Variants in MED7 observed in about 807,000 individuals in gnomAD.
MED7 encodes the protein mediator complex subunit 7.
In MED7, 7 loss-of-function variants were observed where a neutral mutation model predicts 16.6. The observed-to-expected ratio is 0.42, with a 90% CI of 0.24 to 0.79. The LOEUF is 0.79. Ranked by LOEUF, MED7 falls within the 30% of genes least tolerant of loss-of-function variation. MED7 has a pLI of 0.27. For missense variants in MED7, 240 were observed against 286.3 expected (o/e 0.84, Z 1.17); for synonymous variants, 88 against 90.5 (o/e 0.97, Z 0.16).
At position 157,139,236 on chromosome 5, in the gene MED7, G is replaced by A. The variant is rs1211935997; in HGVS notation, c.196C>T (p.Arg66Trp). ...TGATCAAACTGCATAGGATGAAGCC[G>A]TTCGATGCCCTGACTTTCCAAAGGG... is the stretch of plus-strand genomic sequence containing the variant. ...IRPLESQGIE[R>W]LHPMQFDHKK... The change falls in exon 2 of 2, where the codon CGG (arginine) becomes TGG (tryptophan). Residue 66 changes from arginine to tryptophan, a missense_variant. By Grantham distance (101) the Arg-to-Trp change is moderately radical. Coordinates refer to ENST00000286317, the MANE Select transcript of MED7 (RefSeq NM_004270.5). 7 of 1,613,796 alleles carry A rather than the reference G, an allele frequency of 4.3e-6. No individual in the cohort carries two copies. The highest frequency in any genetic ancestry group is 5.1e-6 in the Non-Finnish European group (6 of 1,179,972).
chr5:157,138,092 AT>A lies in MED7; in HGVS notation c.*637del, dbSNP rs36073352. The A allele has an allele frequency of 0.17, 25,757 of 152,146 alleles. 2,253 individuals carry two copies. The highest frequency in any genetic ancestry group is 0.22 in the South Asian group (1,058 of 4,818). 9.4% of individuals were successfully genotyped at this position (152,146 alleles called of 1,614,324 possible). The stretch of plus-strand genomic sequence containing the variant: ...ACAGACATCTTAATTACTAAAATTA[AT>A]GTCTGTAACTTAAAGTGACCAAAGG... On this transcript the variant is annotated 3_prime_UTR_variant, in exon 2 of 2. Coordinates refer to ENST00000286317, the MANE Select transcript of MED7 (RefSeq NM_004270.5).
intron 1 of MED7, among the ~76,000 whole-genome samples, chr5:157,140,493 A>G (rs192264957): frequency 6.6e-6 from 1 of 151,352 alleles, no homozygotes; most frequent in Admixed American, 6.5e-5. Context: ...AAGATATAAC[A>G]CACTCTAACA....
rs1235150813 is a variant in MED7, at chr5:157,138,548, T to G, written c.*182A>C. ...GTGATTCTTCTTAGTGCAGGGACAC[T>G]CATTTGTCTATGCTTGTTATACAGC... is the stretch of plus-strand genomic sequence containing the variant. On this transcript the variant is annotated 3_prime_UTR_variant, in exon 2 of 2. Transcript: ENST00000286317. 1 of 549,420 alleles carries G rather than the reference T, an allele frequency of 1.8e-6. No individual in the cohort carries two copies. The highest frequency in any genetic ancestry group is 3.2e-6 in the Non-Finnish European group (1 of 316,306). The allele number at this position is 549,420 out of a possible 1,614,324, so 34.0% of individuals were successfully genotyped here. A position where few individuals can be genotyped will look rare whatever the true frequency, so the allele number is the denominator to read the frequency against.
At chr5:157,141,846 C>A (rs1223889727) in intron 1 of MED7, among the ~76,000 whole-genome samples, 3 of 152,194 alleles carry the variant, frequency 2.0e-5, no homozygotes, top group Non-Finnish European at 2.9e-5. Flanking sequence ...CCACCTCGGC[C>A]TCCCAAAGTG....
At position 157,138,736 on chromosome 5, in the gene MED7, T is replaced by C; in HGVS notation, c.696A>G (p.Arg232=). The C allele has an allele frequency of 6.3e-7, 1 of 1,582,066 alleles. No homozygotes were observed. The highest frequency in any genetic ancestry group is 8.6e-7 in the Non-Finnish European group (1 of 1,166,800). Reference sequence around the variant, plus strand: ...AAAGAAAAAGAAACATCTTTCATGGTCTTTCATTCATCTCATCAATTAGGA... The same window carrying C: ...AAAGAAAAAGAAACATCTTTCATGGCCTTTCATTCATCTCATCAATTAGGA... ...LCVLIDEMNE[R]P The change falls in exon 2 of 2, where the codon AGA becomes AGG. Residue 232 remains arginine, a synonymous_variant. Coordinates refer to ENST00000286317, the MANE Select transcript of MED7 (RefSeq NM_004270.5).
chr5:157,139,505 T>C (rs1229973601), intron 1 of MED7, 57 bp from the exon 2 acceptor site: 1 of 1,016,134 alleles, frequency 9.8e-7, no homozygotes, highest in Non-Finnish European at 1.4e-6. Context: ...TTACATTTCA[T>C]AACTACAGAT....
At chr5:157,141,714 G>A (rs1043842294) in intron 1 of MED7, among the ~76,000 whole-genome samples, 4 of 151,906 alleles carry the variant, frequency 2.6e-5, no homozygotes, top group Non-Finnish European at 1.5e-5. Context: ...TGAGCCTCCT[G>A]AGTAGCTGGG....
In MED7 at chr5:157,138,378, TTATC is replaced by T. The variant is rs1397333653; in HGVS notation, c.*348_*351del. ...TACATGTAGAGAGCTTAATATCCAT[TTATC>T]TATCATTCTTAAAGCAAATGCTAAA... On this transcript the variant is annotated 3_prime_UTR_variant, in exon 2 of 2. Transcript: ENST00000286317. The T allele has an allele frequency of 5.4e-6, 1 of 186,150 alleles. No individual in the cohort carries two copies. The highest frequency in any genetic ancestry group is 1.4e-4 in the East Asian group (1 of 6,916). 11.5% of individuals were successfully genotyped at this position (186,150 alleles called of 1,614,324 possible).
rs1306895695 is a variant in MED7 at position 157,138,820 on chromosome 5, T to G, written c.612A>C (p.Gln204His). ...CTCTCCTATGACCTGAATTTTCTCT[T>G]TGATGTTCATTCTGTCCAGTACAAT... ...SNNCTGQNEH[Q>H]RENSGHRRDQ... Residue 204 changes from glutamine to histidine, a missense_variant, in exon 2 of 2, where the codon CAA becomes CAC. Physicochemically the swap from Gln to His is conservative, Grantham distance 24. Transcript: ENST00000286317. The G allele has an allele frequency of 1.2e-6, 2 of 1,614,068 alleles. 1 individual carries two copies. The highest frequency in any genetic ancestry group is 3.3e-5 in the Admixed American group (2 of 60,006).
chr5:157,139,365 C>A lies in MED7; in HGVS notation c.67G>T (p.Asp23Tyr). ...PPMQYIKEYTDENIQEGLAPK... is the reference protein window; with the variant it reads ...PPMQYIKEYTYENIQEGLAPK... The stretch of plus-strand genomic sequence containing the variant: ...GCTAAGCCTTCTTGAATATTTTCAT[C>A]CGTATATTCCTTGATATATTGCATT... The change falls in exon 2 of 2, where the codon GAT becomes TAT. Residue 23 changes from aspartate to tyrosine, a missense_variant. Physicochemically the swap from Asp to Tyr is radical, Grantham distance 160. Transcript: ENST00000286317. 6.2e-7 allele frequency: 1 copy of A among 1,610,960 alleles called. No individual in the cohort carries two copies. The highest frequency in any genetic ancestry group is 8.5e-7 in the Non-Finnish European group (1 of 1,178,794).
At chr5:157,141,265 A>G (rs1757719785) in intron 1 of MED7, among the ~76,000 whole-genome samples, 1 of 152,092 alleles carries the variant, frequency 6.6e-6, no homozygotes, top group Admixed American at 6.5e-5. Flanking sequence ...TATTTTCAGT[A>G]GAGACGAGAT....
rs1269598635 is a variant in MED7, at chr5:157,138,533, T to C, written c.*197A>G. On this transcript the variant is annotated 3_prime_UTR_variant, in exon 2 of 2. Coordinates refer to ENST00000286317, the MANE Select transcript of MED7 (RefSeq NM_004270.5). Reference sequence around the variant, plus strand: ...ACTTTGCTTTTTAAAGTGATTCTTCTTAGTGCAGGGACACTCATTTGTCTA... The same window carrying C: ...ACTTTGCTTTTTAAAGTGATTCTTCCTAGTGCAGGGACACTCATTTGTCTA... The C allele has an allele frequency of 2.0e-6, 1 of 489,470 alleles. No individual in the cohort carries two copies. Among genetic ancestry groups the C allele is most frequent in the African/African-American group, 2.0e-5 (1 of 50,360 alleles). The allele number at this position is 489,470 out of a possible 1,614,324, so 30.3% of individuals were successfully genotyped here. A position where few individuals can be genotyped will look rare whatever the true frequency, so the allele number is the denominator to read the frequency against.
intron 1 of MED7, among the ~76,000 whole-genome samples, chr5:157,142,115 C>T (rs1397804837): frequency 6.6e-6 from 1 of 152,182 alleles, no homozygotes; most frequent in Non-Finnish European, 1.5e-5. Context: ...TCTTTCTCTA[C>T]TGTCTCTCTA....
chr5:157,139,643 C>T (rs1024970401), intron 1 of MED7, among the ~76,000 whole-genome samples, 195 bp from the exon 2 acceptor site: 4 of 151,768 alleles, frequency 2.6e-5, no homozygotes, highest in Non-Finnish European at 5.9e-5. Context: ...ATATTCTCAA[C>T]CATTCACATA....
chr5:157,141,355 C>T (rs1441132745), intron 1 of MED7, among the ~76,000 whole-genome samples: 1 of 152,208 alleles, frequency 6.6e-6, no homozygotes, highest in Non-Finnish European at 1.5e-5. Flanking sequence ...TCTGGGATTA[C>T]AGGCGTGAGC....
At chr5:157,142,525 G>T (rs1445981923) in intron 1 of MED7, 2 of 152,350 alleles carry the variant, frequency 1.3e-5, no homozygotes, top group African/African-American at 4.8e-5. Flanking sequence ...CAGCGGCGCG[G>T]GGACTAGACG....
Position 157,139,031 on chromosome 5 carries a change from G to A in MED7, c.401C>T (p.Thr134Ile), listed in dbSNP as rs1330903585. ...CTGGACCTCCATCATGACTCTCAAG[G>A]TCTCTCTTGCTTGGTGGGGTCGGTA... ...NEYRPHQARE[T>I]LRVMMEVQKR... is the part of the protein sequence containing the mutation. The change falls in exon 2 of 2, where the codon ACC becomes ATC. Residue 134 changes from threonine to isoleucine, a missense_variant. Transcript: ENST00000286317. The A allele has an allele frequency of 1.9e-6, 3 of 1,614,072 alleles. No homozygotes were observed. The highest frequency in any genetic ancestry group is 2.2e-5 in the South Asian group (2 of 91,078).
intron 1 of MED7, among the ~76,000 whole-genome samples, chr5:157,140,909 A>G (rs1757712374): frequency 6.6e-6 from 1 of 152,200 alleles, no homozygotes. Context: ...AACACTTCAT[A>G]TTCTTCACTC....
Position 157,137,561 on chromosome 5 carries a change from T to A in MED7, c.*1169A>T, listed in dbSNP as rs1184214341. The A allele has an allele frequency of 3.5e-4, 53 of 152,204 alleles. No homozygotes were observed. Among genetic ancestry groups the A allele is most frequent in the Admixed American group, 3.5e-3 (53 of 15,272 alleles). The allele number at this position is 152,204 out of a possible 1,614,324, so 9.4% of individuals were successfully genotyped here. A position where few individuals can be genotyped will look rare whatever the true frequency, so the allele number is the denominator to read the frequency against. On this transcript the variant is annotated 3_prime_UTR_variant, in exon 2 of 2. Coordinates refer to ENST00000286317, the MANE Select transcript of MED7 (RefSeq NM_004270.5). ...ACATTAAGAAAACGGCAGGCAGAGA[T>A]CCTCAGACACAAGGTCAACTCTCCA...
Sources: gnomAD v4.1 joint callset for allele counts (sites outside exome capture counted in the v4.1 genomes callset) on GRCh38, gnomAD v4.1.1 for gene constraint, MANE v1.5 for transcripts, NCBI Gene and HGNC (gene_info 2026-07-23, HGNC 2026-07-21) for gene names.